TNNT3: variants seen among roughly 807,000 people sequenced by gnomAD.
The protein encoded by TNNT3 is troponin T, fast skeletal muscle.
A neutral mutation model predicts 54.2 loss-of-function variants in TNNT3; 36 were observed. The ratio of observed to expected loss-of-function variants is 0.66; its 90% CI spans 0.51 to 0.88. The LOEUF is 0.88. Among genes scored for constraint, TNNT3 ranks in the 40% least tolerant of loss-of-function variants. The probability of loss-of-function intolerance (pLI) is 0.00; values close to 1 mark genes in which losing one functional copy is unlikely to be tolerated. For synonymous variants in TNNT3, 120 were observed against 109.7 expected (o/e 1.09, Z -0.59); for missense variants, 291 against 331.6 (o/e 0.88, Z 0.95).
chr11:1,922,823 C>G, intron 1 of TNNT3, 34 bp from the exon 2 acceptor site: 2 of 1,472,744 alleles, frequency 1.4e-6, no homozygotes, highest in Non-Finnish European at 1.9e-6. Context: ...TTTCCATCCT[C>G]TCTCTCTCTC....
chr11:1,938,507 C>T lies in TNNT3; in HGVS notation c.*15C>T. 6.2e-7 allele frequency: 1 copy of T among 1,612,774 alleles called. No homozygotes were observed. ...GCTGGAAGTAGAGAGGCCAGAAAGG[C>T]CCCTCGAGGCAGAGACCCTCCGCCC... On this transcript the variant is annotated 3_prime_UTR_variant, in exon 16 of 16. Transcript: ENST00000278317.
chr11:1,921,454 A>T (rs74047681), intron 1 of TNNT3: 15,741 of 152,436 alleles, frequency 0.1, 863 homozygotes, highest in Middle Eastern at 0.17. Flanking sequence ...ACTGGGTCAC[A>T]CCGGGGGCCT....
At chr11:1,923,252 T>C (rs547930914) in intron 3 of TNNT3, among the ~76,000 whole-genome samples, 191 bp downstream of exon 3, 2 of 152,218 alleles carry the variant, frequency 1.3e-5, no homozygotes, top group Admixed American at 6.5e-5. Context: ...CCCCGAAGTG[T>C]GGCCACATGG....
intron 7 of TNNT3, among the ~76,000 whole-genome samples, chr11:1,929,398 G>T (rs554120109): frequency 1.3e-5 from 2 of 152,316 alleles, no homozygotes; most frequent in South Asian, 4.1e-4. Flanking sequence ...AGCGGGACCA[G>T]CCAGCAGTGC....
chr11:1,929,880 G>T, intron 8 of TNNT3, 52 bp downstream of exon 8: 2 of 1,501,876 alleles, frequency 1.3e-6, no homozygotes, highest in Non-Finnish European at 1.8e-6. Context: ...TGGGGTGGGG[G>T]TGGTCAAGTG....
chr11:1,933,847 G>T lies in TNNT3; in HGVS notation c.288+10G>T. 1.9e-6 allele frequency: 3 copies of T among 1,612,202 alleles called. No individual in the cohort carries two copies. The highest frequency in any genetic ancestry group is 2.5e-6 in the Non-Finnish European group (3 of 1,179,444). On this transcript the variant is annotated intron_variant, in intron 10 of 15. Transcript: ENST00000278317. ...TCTCAAAGAGAGAATCGTGAGTGGG[G>T]CAGTTCAGGTTGCAGCAGGGGCTGG... is the stretch of plus-strand genomic sequence containing the variant.
rs375914283 is a variant in TNNT3, at chr11:1,933,774, C to T, written c.225C>T (p.Ile75=). 1.5e-4 allele frequency: 240 copies of T among 1,612,882 alleles called. 1 individual carries two copies. In the South Asian group the frequency reaches 2.3e-3, roughly 16 times the overall value. The change falls in exon 10 of 16, where the codon ATC becomes ATT. Residue 75 remains isoleucine, a synonymous_variant. Coordinates refer to ENST00000278317, the MANE Select transcript of TNNT3 (RefSeq NM_006757.4). ...ACCTAATGGAGCTCCAGGCCCTCAT[C>T]GACAGCCACTTTGAAGCCCGGAAGA... ...NKDLMELQAL[I]DSHFEARKKE...
chr11:1,931,855 G>A (rs1853471713), intron 8 of TNNT3, among the ~76,000 whole-genome samples: 1 of 151,254 alleles, frequency 6.6e-6, no homozygotes, highest in African/African-American at 2.4e-5. Flanking sequence ...TTGATATTTA[G>A]TTCCACTTTC....
At chr11:1,924,957 C>T in intron 4 of TNNT3, 142 bp from the exon 5 acceptor site, 1 of 876,322 alleles carries the variant, frequency 1.1e-6, no homozygotes, top group African/African-American at 1.7e-5. Flanking sequence ...CATCTTTCAC[C>T]CCTGCCAAGC....
At chr11:1,923,595 G>GC (rs753016317) in intron 4 of TNNT3, 23 bp downstream of exon 4, 29 of 1,607,744 alleles carry the variant, frequency 1.8e-5, no homozygotes, top group Middle Eastern at 3.3e-4. Flanking sequence ...ACCACCGGAA[G>GC]CCCCCCCAGC....
intron 5 of TNNT3, 162 bp from the exon 6 acceptor site, chr11:1,926,533 G>A (rs991649365): frequency 1.6e-5 from 25 of 1,612,684 alleles, no homozygotes; most frequent in Non-Finnish European, 2.1e-5. Context: ...TGTGGGGGGT[G>A]CAGGACCCAA....
In TNNT3 at chr11:1,938,526, T is replaced by TCC; in HGVS notation, c.*35_*36dup. 3.7e-6 allele frequency: 6 copies of TCC among 1,609,132 alleles called. No homozygotes were observed. The highest frequency in any genetic ancestry group is 5.1e-6 in the Non-Finnish European group (6 of 1,176,896). On this transcript the variant is annotated 3_prime_UTR_variant, in exon 16 of 16. Transcript: ENST00000278317. ...GAAAGGCCCCTCGAGGCAGAGACCCTCCGCCCTCTTGCACACCAGGGCCGC... is the reference window on the plus strand; with the variant it reads ...GAAAGGCCCCTCGAGGCAGAGACCCTCCCCGCCCTCTTGCACACCAGGGCCGC...
rs1485624802 is a variant in TNNT3, at chr11:1,934,003, C to A, written c.361C>A (p.Leu121Met). ...AEKERERQNR[L>M]AEEKARREEE... ...GAAGGAGAGGGAGCGCCAGAACAGA[C>A]TGGCGGTGAGGGCACCATCCGCACT... Residue 121 changes from leucine to methionine, a missense_variant, in exon 11 of 16, where the codon CTG (leucine) becomes ATG (methionine). By Grantham distance (15) the Leu-to-Met change is conservative. Coordinates refer to ENST00000278317, the MANE Select transcript of TNNT3 (RefSeq NM_006757.4). The A allele has an allele frequency of 6.2e-7, 1 of 1,611,938 alleles. No individual in the cohort carries two copies. The highest frequency in any genetic ancestry group is 8.5e-7 in the Non-Finnish European group (1 of 1,179,784).
chr11:1,934,068 G>A, intron 11 of TNNT3, 60 bp downstream of exon 11: 6 of 1,540,780 alleles, frequency 3.9e-6, no homozygotes, highest in Non-Finnish European at 5.3e-6. Context: ...CCAGAGAAAT[G>A]CAGGGGGCTG....
chr11:1,928,940 T>A, intron 6 of TNNT3, 180 bp from the exon 7 acceptor site: 70 of 576,626 alleles, frequency 1.2e-4, no homozygotes, highest in East Asian at 3.2e-4. Context: ...TCCCCAGGCA[T>A]TGATTCACCG....
intron 15 of TNNT3, among the ~76,000 whole-genome samples, chr11:1,937,763 G>A (rs1356291711): frequency 1.3e-5 from 2 of 152,162 alleles, no homozygotes; most frequent in African/African-American, 4.8e-5. Context: ...GTGACCTCAC[G>A]GCCTCCCTGT....
At chr11:1,937,785 G>A (rs1855568019) in intron 15 of TNNT3, among the ~76,000 whole-genome samples, 2 of 151,982 alleles carry the variant, frequency 1.3e-5, no homozygotes, top group South Asian at 4.1e-4. Context: ...GTGCCGTCAG[G>A]GGTCATTGCA....
rs1854419819 is a variant in TNNT3 at position 1,934,622 on chromosome 11, T to C, written c.557T>C (p.Leu186Pro). ...KKILAERRKPLNIDHLGEDKL... is the reference protein window; with the variant it reads ...KKILAERRKPPNIDHLGEDKL... ...ATTCTGGCTGAGAGACGCAAGCCGC[T>C]CAACATCGATCACCTTGGTGAAGAC... Residue 186 changes from leucine (L) to proline (P), a missense_variant, in exon 13 of 16, where the codon CTC becomes CCC. Transcript: ENST00000278317. 4 of 1,609,328 alleles carry C rather than the reference T, an allele frequency of 2.5e-6. No homozygotes were observed. Among genetic ancestry groups the C allele is most frequent in the Non-Finnish European group, 3.4e-6 (4 of 1,178,288 alleles).
chr11:1,938,269 G>T, intron 15 of TNNT3, 169 bp from the exon 16 acceptor site: 1 of 750,284 alleles, frequency 1.3e-6, no homozygotes, highest in Admixed American at 2.0e-5. Context: ...CCAGGCACAG[G>T]TGAGTGGGCA....
Sources: gnomAD v4.1 joint callset for allele counts (sites outside exome capture counted in the v4.1 genomes callset) on GRCh38, gnomAD v4.1.1 for gene constraint, MANE v1.5 for transcripts, NCBI Gene and HGNC (gene_info 2026-07-23, HGNC 2026-07-21) for gene names.